SUSD6: variants seen among roughly 807,000 people sequenced by gnomAD.
SUSD6 encodes sushi domain-containing protein 6.
A neutral mutation model predicts 28.4 loss-of-function variants in SUSD6; 16 were observed. The ratio of observed to expected loss-of-function variants is 0.56; its 90% CI spans 0.38 to 0.86. The LOEUF (loss-of-function observed/expected upper bound fraction) is 0.86. Ranked by LOEUF, SUSD6 falls within the 40% of genes least tolerant of loss-of-function variation. SUSD6 has a pLI of 0.00. For missense variants in SUSD6, 341 were observed against 384.2 expected, an observed-to-expected ratio of 0.89 and a Z score of 0.94; for synonymous variants, 147 against 159.6, an observed-to-expected ratio of 0.92 and a Z score of 0.59.
chr14:69,640,991 C>G (rs1885343148), intron 1 of SUSD6, among the ~76,000 whole-genome samples: 1 of 152,152 alleles, frequency 6.6e-6, no homozygotes, highest in African/African-American at 2.4e-5. Context: ...CTTTTAAGGC[C>G]ACAGAGTTCT....
chr14:69,621,371 A>T (rs1369254934), intron 1 of SUSD6, among the ~76,000 whole-genome samples: 4 of 152,204 alleles, frequency 2.6e-5, no homozygotes, highest in Admixed American at 2.6e-4. Flanking sequence ...GGTGTTAAAA[A>T]GCTGTTAACA....
At chr14:69,621,038 AG>A (rs1885030176) in intron 1 of SUSD6, among the ~76,000 whole-genome samples, 1 of 152,150 alleles carries the variant, frequency 6.6e-6, no homozygotes, top group Admixed American at 6.5e-5. Context: ...CCTAGTTCCC[AG>A]TAAACGTACG....
intron 1 of SUSD6, among the ~76,000 whole-genome samples, chr14:69,654,451 G>A (rs745757106): frequency 6.6e-6 from 1 of 152,194 alleles, no homozygotes; most frequent in Non-Finnish European, 1.5e-5. Context: ...TACGTTGGAG[G>A]TGGGTGTGGT....
chr14:69,632,714 G>C (rs923799616), intron 1 of SUSD6, among the ~76,000 whole-genome samples: 14 of 151,112 alleles, frequency 9.3e-5, no homozygotes, highest in African/African-American at 3.2e-4. Flanking sequence ...CCCGTTCCCA[G>C]AAACAGGCAG....
intron 1 of SUSD6, among the ~76,000 whole-genome samples, chr14:69,655,856 C>T (rs1018153638): frequency 3.3e-5 from 5 of 152,124 alleles, no homozygotes; most frequent in Non-Finnish European, 7.4e-5. Context: ...TGGCCGGCCC[C>T]ACTGCTCTTC....
chr14:69,683,243 G>A (rs545956089), intron 2 of SUSD6, among the ~76,000 whole-genome samples: 2 of 152,208 alleles, frequency 1.3e-5, no homozygotes, highest in East Asian at 3.9e-4. Context: ...ATCTTTTTAA[G>A]CATTTAGTTT....
At chr14:69,691,184 A>G (rs189705430) in intron 2 of SUSD6, among the ~76,000 whole-genome samples, 1 of 152,294 alleles carries the variant, frequency 6.6e-6, no homozygotes, top group Non-Finnish European at 1.5e-5. Context: ...CTTACTAAAA[A>G]TACAAAAAAT....
intron 4 of SUSD6, among the ~76,000 whole-genome samples, chr14:69,707,369 G>T (rs930464103): frequency 1.1e-4 from 17 of 152,200 alleles, no homozygotes; most frequent in African/African-American, 4.1e-4. Context: ...ATATCCGCAT[G>T]AATAAGCCTC....
At chr14:69,691,176 T>TA in intron 2 of SUSD6, among the ~76,000 whole-genome samples, 1 of 152,184 alleles carries the variant, frequency 6.6e-6, no homozygotes, top group South Asian at 2.1e-4. Context: ...ACCCTGTCCT[T>TA]ACTAAAAATA....
At chr14:69,665,818 C>T (rs1332451199) in intron 2 of SUSD6, among the ~76,000 whole-genome samples, 1 of 152,212 alleles carries the variant, frequency 6.6e-6, no homozygotes, top group Non-Finnish European at 1.5e-5. Flanking sequence ...TTGAATACTG[C>T]TTGCATTCCT....
At chr14:69,647,237 T>C (rs979352045) in intron 1 of SUSD6, among the ~76,000 whole-genome samples, 10 of 149,698 alleles carry the variant, frequency 6.7e-5, no homozygotes, top group African/African-American at 2.4e-4. Flanking sequence ...TGAAATTATA[T>C]CAGGAAGACT....
intron 1 of SUSD6, among the ~76,000 whole-genome samples, chr14:69,617,947 C>T (rs1268010215): frequency 1.3e-5 from 2 of 152,098 alleles, no homozygotes; most frequent in African/African-American, 2.4e-5. Flanking sequence ...TCCAGGTGGA[C>T]CTCAGGTGTA....
chr14:69,674,973 A>G (rs1489922113), intron 2 of SUSD6, among the ~76,000 whole-genome samples: 1 of 152,094 alleles, frequency 6.6e-6, no homozygotes, highest in Non-Finnish European at 1.5e-5. Context: ...TGATTTCATT[A>G]ATTTCCTCCC....
At chr14:69,613,533 TAGTTATGTGATAC>T (rs1884913254) in intron 1 of SUSD6, among the ~76,000 whole-genome samples, 1 of 152,258 alleles carries the variant, frequency 6.6e-6, no homozygotes, top group Admixed American at 6.5e-5. Flanking sequence ...TACTCCCAAG[TAGTTATGTGATAC>T]CGAATGTATG....
chr14:69,618,354 C>G (rs1884989098), intron 1 of SUSD6, among the ~76,000 whole-genome samples: 1 of 152,216 alleles, frequency 6.6e-6, no homozygotes, highest in African/African-American at 2.4e-5. Flanking sequence ...ATTCGAAAAT[C>G]TAAAACATTT....
intron 2 of SUSD6, among the ~76,000 whole-genome samples, chr14:69,698,358 A>G (rs1293012943): frequency 2.0e-5 from 3 of 152,154 alleles, no homozygotes; most frequent in Non-Finnish European, 4.4e-5. Flanking sequence ...AATGCACTAT[A>G]GATAATTTAA....
chr14:69,671,388 C>G (rs950042067), intron 2 of SUSD6, among the ~76,000 whole-genome samples: 3 of 152,310 alleles, frequency 2.0e-5, no homozygotes, highest in Middle Eastern at 3.4e-3. Flanking sequence ...GGCTGCCCTT[C>G]TGGTCCGAGG....
At position 69,654,790 on chromosome 14, in the gene SUSD6, G is replaced by GGTGTGTGTGTGTGT. The variant is rs34122510; in HGVS notation, c.-80-3713_-80-3700dup. 1.9e-3 allele frequency among the ~76,000 whole-genome samples: 187 copies of GGTGTGTGTGTGTGT among 98,988 alleles called. 2 individuals are homozygous for GGTGTGTGTGTGTGT. The highest frequency in any genetic ancestry group is 6.7e-3 in the African/African-American group (166 of 24,662). 64.9% of individuals were successfully genotyped at this position (98,988 alleles called of 152,430 possible). A position where few individuals can be genotyped will look rare whatever the true frequency, so the allele number is the denominator to read the frequency against. On this transcript the variant is annotated intron_variant, in intron 1 of 5. Coordinates refer to ENST00000342745, the MANE Select transcript of SUSD6 (RefSeq NM_014734.4). ...CAATTTCTTTTTTTTTTTTTTTTTT[G>GGTGTGTGTGTGTGT]GTGTGTGTGTGTGTGTGTGTGTGAA...
chr14:69,663,124 C>T (rs569041326), intron 2 of SUSD6, among the ~76,000 whole-genome samples: 302 of 152,304 alleles, frequency 2.0e-3, no homozygotes, highest in African/African-American at 7.1e-3. Context: ...CTTCAGGAAT[C>T]CCCATTGCTT....
Sources: gnomAD v4.1 joint callset for allele counts (sites outside exome capture counted in the v4.1 genomes callset) on GRCh38, gnomAD v4.1.1 for gene constraint, MANE v1.5 for transcripts, NCBI Gene and HGNC (gene_info 2026-07-23, HGNC 2026-07-21) for gene names.